PCDHGA5: variants seen among roughly 807,000 people sequenced by gnomAD.
The protein encoded by PCDHGA5 is protocadherin gamma-A5.
PCDHGA5 carries 36 observed loss-of-function variants against 56.7 expected under a neutral mutation model. That is an observed-to-expected ratio of 0.64 (90% confidence interval 0.49 to 0.84). The LOEUF (loss-of-function observed/expected upper bound fraction) is 0.84. Ranked by LOEUF, PCDHGA5 falls within the 40% of genes least tolerant of loss-of-function variation. The probability of loss-of-function intolerance (pLI) is 0.00; values close to 1 mark genes in which losing one functional copy is unlikely to be tolerated. For missense variants in PCDHGA5, 1,305 were observed against 1,201.5 expected (o/e 1.09, Z -1.27); for synonymous variants, 563 against 520.2 (o/e 1.08, Z -1.12).
chr5:141,418,339 T>G (rs779598961), intron 1 of PCDHGA5: 2 of 1,614,012 alleles, frequency 1.2e-6, no homozygotes, highest in Non-Finnish European at 1.7e-6. Context: ...CAGAAGATCC[T>G]GATATTAGTA....
intron 1 of PCDHGA5, chr5:141,372,284 T>C: frequency 6.2e-7 from 1 of 1,613,190 alleles, no homozygotes; most frequent in Non-Finnish European, 8.5e-7. Context: ...GCACGGCGCG[T>C]ACCTTGGGCG....
chr5:141,459,295 A>C (rs571675117), intron 1 of PCDHGA5, among the ~76,000 whole-genome samples: 2 of 152,368 alleles, frequency 1.3e-5, no homozygotes, highest in South Asian at 4.1e-4. Context: ...ATGGAATCCT[A>C]TAACATATAC....
At chr5:141,450,792 G>T (rs1222162745) in intron 1 of PCDHGA5, among the ~76,000 whole-genome samples, 2 of 149,686 alleles carry the variant, frequency 1.3e-5, no homozygotes, top group Non-Finnish European at 3.0e-5. Context: ...CGGACCTCAT[G>T]ATTGTATTTA....
At chr5:141,385,191 G>A (rs775228510) in intron 1 of PCDHGA5, 1 of 1,614,086 alleles carries the variant, frequency 6.2e-7, no homozygotes, top group African/African-American at 1.3e-5. Context: ...CGGACTCTCG[G>A]AAGAGTCACC....
rs1040028231 is a variant in PCDHGA5, at chr5:141,485,542, C to T, written c.2422-9265C>T. 6.8e-6 allele frequency: 11 copies of T among 1,613,900 alleles called. No individual in the cohort carries two copies. Among genetic ancestry groups the T allele is most frequent in the Admixed American group, 6.7e-5 (4 of 59,996 alleles). On this transcript the variant is annotated intron_variant, in intron 1 of 3. Coordinates refer to ENST00000518069, the MANE Select transcript of PCDHGA5 (RefSeq NM_018918.3). The surrounding 1 kb of genome is among the most constrained non-coding windows in gnomAD (Gnocchi z 5.7). ...AAATGTACCGAGCAGAGGTAGAGAT[C>T]GTAGATGTGAATGATCACGCCCCCC...
At chr5:141,416,093 C>T (rs1241017265) in intron 1 of PCDHGA5, 1 of 162,720 alleles carries the variant, frequency 6.1e-6, no homozygotes, top group Admixed American at 6.4e-5. Flanking sequence ...AGGAGAAGGG[C>T]AATAGGCCTT....
rs552812176 is a variant in PCDHGA5, at chr5:141,497,407, A to G, written c.2480+2542A>G. Among the ~76,000 whole-genome samples, 43 of 152,204 alleles carry G rather than the reference A, an allele frequency of 2.8e-4. No individual in the cohort carries two copies. In the Middle Eastern group the frequency reaches 0.01, roughly 36 times the overall value. The stretch of plus-strand genomic sequence containing the variant: ...GCACCTTACCCCTGCCTCAACTCCC[A>G]TTCCATCAAATGAGAGGCTTAGTGG... On this transcript the variant is annotated intron_variant, in intron 2 of 3. Coordinates refer to ENST00000518069, the MANE Select transcript of PCDHGA5 (RefSeq NM_018918.3).
intron 1 of PCDHGA5, chr5:141,378,509 C>T (rs60712207): frequency 0.33 from 49,377 of 151,848 alleles, 8,313 homozygotes; most frequent in Admixed American, 0.44. Flanking sequence ...GGTGACAGAG[C>T]GAGACTCTGT....
chr5:141,468,464 TC>T (rs2099167734), intron 1 of PCDHGA5: 2 of 152,174 alleles, frequency 1.3e-5, no homozygotes, highest in Admixed American at 1.3e-4. Flanking sequence ...GCAAGTTATT[TC>T]TGAGGAGAAT....
chr5:141,494,759 C>A (rs776923097), intron 1 of PCDHGA5, 48 bp from the exon 2 acceptor site: 3 of 1,613,886 alleles, frequency 1.9e-6, no homozygotes, highest in Non-Finnish European at 2.5e-6. Context: ...GGGTGACATT[C>A]TAACTTCTCA....
intron 1 of PCDHGA5, among the ~76,000 whole-genome samples, chr5:141,381,974 C>A (rs1049134937): frequency 6.6e-6 from 1 of 151,492 alleles, no homozygotes; most frequent in Non-Finnish European, 1.5e-5. Flanking sequence ...GGATTACAGG[C>A]GCGCGCCACC....
At chr5:141,388,784 T>A in intron 1 of PCDHGA5, 1 of 1,613,942 alleles carries the variant, frequency 6.2e-7, no homozygotes, top group Non-Finnish European at 8.5e-7. Flanking sequence ...GGGAAATTAC[T>A]GTTTTAAATA....
intron 1 of PCDHGA5, chr5:141,424,706 T>G (rs752721357): frequency 4.6e-5 from 7 of 152,190 alleles, no homozygotes; most frequent in Non-Finnish European, 8.8e-5. Context: ...TTTGTTCATT[T>G]TCAGTGTAGT....
chr5:141,488,046 G>A (rs958459817), intron 1 of PCDHGA5, among the ~76,000 whole-genome samples: 1 of 152,182 alleles, frequency 6.6e-6, no homozygotes, highest in African/African-American at 2.4e-5. Flanking sequence ...CCAAGGGATT[G>A]AGGGGAAATA....
At chr5:141,492,578 G>A (rs1380328678) in intron 1 of PCDHGA5, among the ~76,000 whole-genome samples, 1 of 152,216 alleles carries the variant, frequency 6.6e-6, no homozygotes, top group Non-Finnish European at 1.5e-5. Flanking sequence ...CGAGGCGCGG[G>A]GCCAGGAGCG....
chr5:141,432,652 C>T lies in PCDHGA5; in HGVS notation c.2422-62155C>T, dbSNP rs1004936183. On this transcript the variant is annotated intron_variant, in intron 1 of 3. Transcript: ENST00000518069. This position sits in a 1 kb window ranked among gnomAD's most constrained non-coding sequence, Gnocchi z 6.0. ...CGGGCGAGGTGCGCACGGCGCGAGC[C>T]CTGCTGGACAGAGACGCGCTCAAGC... The T allele has an allele frequency of 6.2e-7, 1 of 1,613,836 alleles. No individual in the cohort carries two copies. Among genetic ancestry groups the T allele is most frequent in the East Asian group, 2.2e-5 (1 of 44,860 alleles).
chr5:141,485,357 C>T lies in PCDHGA5; in HGVS notation c.2422-9450C>T. ...GCTGGATACGGACAGTCTGTCAGCT[C>T]GCAGGCTGCAGGTCGCTGGAGAGGT... On this transcript the variant is annotated intron_variant, in intron 1 of 3. Transcript: ENST00000518069. The surrounding 1 kb of genome is among the most constrained non-coding windows in gnomAD (Gnocchi z 5.7). 1.2e-6 allele frequency: 2 copies of T among 1,614,084 alleles called. No individual in the cohort carries two copies. The highest frequency in any genetic ancestry group is 1.1e-5 in the South Asian group (1 of 91,070).
At position 141,431,808 on chromosome 5, in the gene PCDHGA5, C is replaced by A. The variant is rs2097419249; in HGVS notation, c.2422-62999C>A. Reference sequence around the variant, plus strand: ...GACAATGCCCCAGAAGTGGTCCTCACCTCTCTCGCCAGCTCGGTTCCCGAA... The same window carrying A: ...GACAATGCCCCAGAAGTGGTCCTCAACTCTCTCGCCAGCTCGGTTCCCGAA... On this transcript the variant is annotated intron_variant, in intron 1 of 3. Transcript: ENST00000518069. The surrounding 1 kb of genome is among the most constrained non-coding windows in gnomAD (Gnocchi z 4.8). The A allele has an allele frequency of 6.2e-7, 1 of 1,614,236 alleles. No individual in the cohort carries two copies. Among genetic ancestry groups the A allele is most frequent in the Non-Finnish European group, 8.5e-7 (1 of 1,180,040 alleles).
At chr5:141,423,102 C>A (rs778561065) in intron 1 of PCDHGA5, 2 of 1,613,802 alleles carry the variant, frequency 1.2e-6, no homozygotes, top group Non-Finnish European at 1.7e-6. Flanking sequence ...AGCACACGGG[C>A]GAGGTGCGTA....
Sources: allele counts gnomAD v4.1 joint callset (sites outside exome capture counted in the v4.1 genomes callset), GRCh38; gene constraint gnomAD v4.1.1; non-coding constraint Gnocchi (gnomAD v3.1); transcripts MANE v1.5; gene names NCBI Gene and HGNC (gene_info 2026-07-23, HGNC 2026-07-21).